CISD2: variants seen among roughly 807,000 people sequenced by gnomAD.
The protein encoded by CISD2 is CDGSH iron sulfur domain 2, also known as CDGSH iron-sulfur domain-containing protein 2.
CISD2 carries 1 observed loss-of-function variant against 12.9 expected under a neutral mutation model. That is an observed-to-expected ratio of 0.08 (90% CI 0.03 to 0.37). The LOEUF (loss-of-function observed/expected upper bound fraction) is 0.37. Ranked by LOEUF, CISD2 falls within the 10% of genes least tolerant of loss-of-function variation. The pLI, the probability that CISD2 is intolerant of heterozygous loss-of-function variation, is 0.99. For synonymous variants in CISD2, 50 were observed against 60.6 expected, an observed-to-expected ratio of 0.83 and a Z score of 0.81; for missense variants, 97 against 163.1, an observed-to-expected ratio of 0.59 and a Z score of 2.21.
chr4:102,876,644 G>A (rs1733599579), intron 1 of CISD2, among the ~76,000 whole-genome samples: 1 of 152,142 alleles, frequency 6.6e-6, no homozygotes, highest in Non-Finnish European at 1.5e-5. Flanking sequence ...CAGCTACTCA[G>A]GAGGCTGAGG....
intron 1 of CISD2, 70 bp downstream of exon 1, chr4:102,869,257 C>T: frequency 6.5e-7 from 1 of 1,542,026 alleles, no homozygotes; most frequent in African/African-American, 1.4e-5. Context: ...GCGTAAAAAT[C>T]CTAGGGCCAA....
At chr4:102,869,547 C>A in intron 1 of CISD2, 2 of 701,790 alleles carry the variant, frequency 2.8e-6, no homozygotes, top group South Asian at 3.0e-5. Flanking sequence ...CGGGCTAAGT[C>A]GTCGTTATCT....
chr4:102,886,017 T>C (rs1425008564), intron 2 of CISD2, among the ~76,000 whole-genome samples: 1 of 152,190 alleles, frequency 6.6e-6, no homozygotes, highest in Non-Finnish European at 1.5e-5. Context: ...TCATAGATTA[T>C]TTGAGGTTTT....
chr4:102,885,678 G>A (rs1009190770), intron 2 of CISD2, among the ~76,000 whole-genome samples: 5 of 152,180 alleles, frequency 3.3e-5, no homozygotes, highest in African/African-American at 9.7e-5. Context: ...AGAGTAACAT[G>A]TATTTTAAAA....
intron 1 of CISD2, among the ~76,000 whole-genome samples, chr4:102,875,691 A>C (rs1733576314): frequency 6.6e-6 from 1 of 152,200 alleles, no homozygotes; most frequent in Non-Finnish European, 1.5e-5. Flanking sequence ...GTCTCTGTTA[A>C]AGGGTAGGGA....
intron 1 of CISD2, among the ~76,000 whole-genome samples, chr4:102,877,091 T>G (rs1733610578): frequency 6.6e-6 from 1 of 152,222 alleles, no homozygotes; most frequent in Non-Finnish European, 1.5e-5. Context: ...ATTCCACCCC[T>G]GGCTCCTCCC....
At chr4:102,874,363 T>A (rs1413261029) in intron 1 of CISD2, 2 of 152,216 alleles carry the variant, frequency 1.3e-5, no homozygotes, top group South Asian at 4.1e-4. Context: ...GGTTGAAGAC[T>A]ATTGGGTACT....
chr4:102,878,626 T>C (rs988756489), intron 1 of CISD2, among the ~76,000 whole-genome samples: 1 of 152,216 alleles, frequency 6.6e-6, no homozygotes, highest in Non-Finnish European at 1.5e-5. Flanking sequence ...CCCAGTAAGT[T>C]CCTCATCTCC....
intron 1 of CISD2, among the ~76,000 whole-genome samples, chr4:102,878,611 C>G (rs186588598): frequency 6.6e-6 from 1 of 152,198 alleles, no homozygotes; most frequent in Non-Finnish European, 1.5e-5. Flanking sequence ...ACCTTTGCTC[C>G]ATTTCCCAGT....
At chr4:102,880,870 T>G (rs1408779263) in intron 1 of CISD2, among the ~76,000 whole-genome samples, 2 of 151,388 alleles carry the variant, frequency 1.3e-5, no homozygotes, top group African/African-American at 4.9e-5. Context: ...CGTGCGCCTA[T>G]AATCCCAGCT....
rs1734211399 is a variant in CISD2, at chr4:102,890,854, G to GT, written c.*3425dup. The GT allele has an allele frequency of 1.4e-5, 1 of 71,216 alleles. No individual in the cohort carries two copies. The highest frequency in any genetic ancestry group is 2.7e-5 in the Non-Finnish European group (1 of 37,642). The allele number at this position is 71,216 out of a possible 1,614,324, so 4.4% of individuals were successfully genotyped here. ...AAACCCTATCTTAAAAAAAAAAAAA[G>GT]TCTTTTTTTTTTTTCATCTAATCAA... On this transcript the variant is annotated 3_prime_UTR_variant, in exon 3 of 3. Coordinates refer to ENST00000273986, the MANE Select transcript of CISD2 (RefSeq NM_001008388.5).
At chr4:102,886,573 G>T (rs1383268940) in intron 2 of CISD2, among the ~76,000 whole-genome samples, 1 of 152,104 alleles carries the variant, frequency 6.6e-6, no homozygotes, top group Non-Finnish European at 1.5e-5. Flanking sequence ...TGTGTATCTG[G>T]ATGGGTTATG....
At position 102,887,765 on chromosome 4, in the gene CISD2, T is replaced by G. The variant is rs982665006; in HGVS notation, c.*335T>G. ...CTTGTATTTAAAATTCCCACCTACA[T>G]TGTTAAATATGTTATTTTTTCATAT... On this transcript the variant is annotated 3_prime_UTR_variant, in exon 3 of 3. Transcript: ENST00000273986. 1.7e-5 allele frequency: 3 copies of G among 174,168 alleles called. No individual in the cohort carries two copies. The highest frequency in any genetic ancestry group is 7.1e-5 in the African/African-American group (3 of 42,010). 10.8% of individuals were successfully genotyped at this position (174,168 alleles called of 1,614,324 possible). A position where few individuals can be genotyped will look rare whatever the true frequency, so the allele number is the denominator to read the frequency against.
intron 1 of CISD2, among the ~76,000 whole-genome samples, chr4:102,872,730 G>A (rs1462509387): frequency 1.3e-5 from 2 of 152,190 alleles, no homozygotes; most frequent in African/African-American, 4.8e-5. Context: ...TAAGGAATAG[G>A]TGTCATAGCT....
At chr4:102,877,454 CA>C (rs1346533148) in intron 1 of CISD2, among the ~76,000 whole-genome samples, 1 of 152,196 alleles carries the variant, frequency 6.6e-6, no homozygotes, top group African/African-American at 2.4e-5. Context: ...ACACTGATGC[CA>C]GGGGTAGGCT....
In CISD2 at chr4:102,892,272, G is replaced by A. The variant is rs943557052; in HGVS notation, c.*4842G>A. 4.6e-5 allele frequency: 7 copies of A among 152,114 alleles called. No homozygotes were observed. The highest frequency in any genetic ancestry group is 3.9e-4 in the Admixed American group (6 of 15,264). The allele number at this position is 152,114 out of a possible 1,614,324, so 9.4% of individuals were successfully genotyped here. A position where few individuals can be genotyped will look rare whatever the true frequency, so the allele number is the denominator to read the frequency against. ...AGAGTCTCACTGTGTTACCCAGGCT[G>A]GTCTCGAAGTCCTGGACTCAAGTGA... is the stretch of plus-strand genomic sequence containing the variant. On this transcript the variant is annotated 3_prime_UTR_variant, in exon 3 of 3. Coordinates refer to ENST00000273986, the MANE Select transcript of CISD2 (RefSeq NM_001008388.5).
At chr4:102,877,806 A>G (rs1191588208) in intron 1 of CISD2, among the ~76,000 whole-genome samples, 1 of 152,202 alleles carries the variant, frequency 6.6e-6, no homozygotes, top group East Asian at 1.9e-4. Flanking sequence ...GCCCAACACC[A>G]CATGGAAGCC....
chr4:102,886,862 A>C (rs992928412), intron 2 of CISD2, among the ~76,000 whole-genome samples: 5 of 152,314 alleles, frequency 3.3e-5, no homozygotes, highest in Admixed American at 2.0e-4. Context: ...TGATTTGTCT[A>C]CCTCTGCCTC....
At chr4:102,884,050 G>A (rs78240314) in intron 1 of CISD2, among the ~76,000 whole-genome samples, 1 of 152,096 alleles carries the variant, frequency 6.6e-6, no homozygotes. Context: ...TCTTTCAATA[G>A]TTAAATAGTA....
Sources: gnomAD v4.1 joint callset for allele counts (sites outside exome capture counted in the v4.1 genomes callset) on GRCh38, gnomAD v4.1.1 for gene constraint, MANE v1.5 for transcripts, NCBI Gene and HGNC (gene_info 2026-07-23, HGNC 2026-07-21) for gene names.